CTSC: variants seen among roughly 807,000 people sequenced by gnomAD.
CTSC encodes dipeptidyl peptidase 1.
CTSC carries 37 observed loss-of-function variants against 40.9 expected under a neutral mutation model. The ratio of observed to expected loss-of-function variants is 0.91; its 90% CI spans 0.70 to 1.19. The LOEUF is 1.19. CTSC is among the 50% of genes most tolerant of loss of function. CTSC has a pLI of 0.00. For missense variants in CTSC, 594 were observed against 567.3 expected (o/e 1.05, Z -0.48); for synonymous variants, 232 against 207.4 (o/e 1.12, Z -1.02).
intron 2 of CTSC, chr11:88,321,963 T>C (rs2134800249): frequency 6.6e-6 from 1 of 152,306 alleles, no homozygotes. Context: ...TGACATGAGA[T>C]GGTATCTCAT....
intron 1 of CTSC, among the ~76,000 whole-genome samples, chr11:88,336,438 C>A (rs217081): frequency 6.6e-6 from 1 of 150,840 alleles, no homozygotes; most frequent in African/African-American, 2.4e-5. Flanking sequence ...ACTCGGGAGA[C>A]TGAGGCAGGA....
chr11:88,299,966 G>C (rs552075716), intron 5 of CTSC, among the ~76,000 whole-genome samples: 1 of 152,200 alleles, frequency 6.6e-6, no homozygotes, highest in South Asian at 2.1e-4. Context: ...CATGAACCTG[G>C]GTTCCGCCCT....
At chr11:88,320,760 GAC>G in intron 2 of CTSC, 2 of 944,776 alleles carry the variant, frequency 2.1e-6, no homozygotes, top group Non-Finnish European at 1.3e-6. Flanking sequence ...AGCCTCTAAG[GAC>G]ACAAAGGTAA....
intron 2 of CTSC, 108 bp downstream of exon 2, chr11:88,334,829 C>A: frequency 1.2e-6 from 1 of 821,482 alleles, no homozygotes; most frequent in Non-Finnish European, 2.1e-6. Flanking sequence ...GGTGTCAATT[C>A]CGGTCATCTT....
At chr11:88,294,636 C>G in intron 6 of CTSC, 128 bp from the exon 7 acceptor site, 2 of 1,003,028 alleles carry the variant, frequency 2.0e-6, no homozygotes, top group East Asian at 2.6e-5. Context: ...TTAAGCATCA[C>G]TTCATTCATC....
At chr11:88,316,618 T>G (rs527445034) in intron 2 of CTSC, among the ~76,000 whole-genome samples, 3 of 152,144 alleles carry the variant, frequency 2.0e-5, no homozygotes, top group African/African-American at 7.2e-5. Context: ...AACATAACTA[T>G]GACAATAGGA....
At chr11:88,306,016 C>T (rs1937628093) in intron 4 of CTSC, among the ~76,000 whole-genome samples, 1 of 152,182 alleles carries the variant, frequency 6.6e-6, no homozygotes, top group African/African-American at 2.4e-5. Flanking sequence ...CATGCAGATA[C>T]ATTAAGACAC....
chr11:88,311,640 T>C (rs1387359137), intron 3 of CTSC, among the ~76,000 whole-genome samples: 2 of 152,204 alleles, frequency 1.3e-5, no homozygotes, highest in African/African-American at 2.4e-5. Context: ...TACGTTGAAA[T>C]TCTAACCCCC....
chr11:88,333,838 C>A (rs1224652762), intron 2 of CTSC, among the ~76,000 whole-genome samples: 1 of 152,142 alleles, frequency 6.6e-6, no homozygotes, highest in East Asian at 1.9e-4. Flanking sequence ...CTGCATATCA[C>A]ACCAGCAAAT....
At chr11:88,304,571 G>A (rs1221472816) in intron 4 of CTSC, among the ~76,000 whole-genome samples, 1 of 152,190 alleles carries the variant, frequency 6.6e-6, no homozygotes, top group African/African-American at 2.4e-5. Flanking sequence ...AATAGGAGCT[G>A]GGTAAGATGA....
chr11:88,309,297 C>T lies in CTSC; in HGVS notation c.507G>A (p.Lys169=). The change falls in exon 4 of 7, where the codon AAG becomes AAA. Residue 169 remains lysine, a synonymous_variant. Coordinates refer to ENST00000227266, the MANE Select transcript of CTSC (RefSeq NM_001814.6). The stretch of plus-strand genomic sequence containing the variant: ...TAGCTTTCACAAAGTTGTGATCATA[C>T]TTGTAGAGCCTATTAGAATACCTGT... ...SQEKYSNRLY[K]YDHNFVKAIN... is the part of the protein sequence containing the mutation. The T allele has an allele frequency of 6.2e-7, 1 of 1,613,730 alleles. No individual in the cohort carries two copies.
Position 88,296,243 on chromosome 11 carries a change from G to C in CTSC, c.779C>G (p.Ser260Ter). Residue 260 changes from serine to a stop codon, truncating the protein, a stop_gained, in exon 6 of 7, where the codon TCA (serine) becomes TGA (stop). Coordinates refer to ENST00000227266, the MANE Select transcript of CTSC (RefSeq NM_001814.6). LOFTEE classifies it high-confidence loss of function. ...RNQASCGSCY[S>*]FASMGMLEAR... ...TTCTAGCATACCCATAGAAGCAAAT[G>C]AGTAGCAGCTGCCACAGGATGCTGG... 6.2e-7 allele frequency: 1 copy of C among 1,613,962 alleles called. No individual in the cohort carries two copies. The highest frequency in any genetic ancestry group is 1.3e-5 in the African/African-American group (1 of 75,026).
intron 2 of CTSC, among the ~76,000 whole-genome samples, chr11:88,332,070 C>A (rs1218462470): frequency 6.6e-6 from 1 of 152,140 alleles, no homozygotes; most frequent in Non-Finnish European, 1.5e-5. Context: ...TAAAAGGAAG[C>A]AAGTTGTAGG....
intron 4 of CTSC, 61 bp from the exon 5 acceptor site, chr11:88,300,706 A>C: frequency 9.7e-7 from 1 of 1,028,696 alleles, no homozygotes; most frequent in Non-Finnish European, 1.5e-6. Context: ...ATGATTTCCT[A>C]AACTCTACTA....
chr11:88,336,238 T>TAAAA lies in CTSC; in HGVS notation c.173-1160_173-1157dup, dbSNP rs3079112. On this transcript the variant is annotated intron_variant, in intron 1 of 6. Transcript: ENST00000227266. ...CTGCCCCAACCTTCAAACTCAAATT[T>TAAAA]AAAAAAAAAAAAAAAAAAAAGGCCA... Among the ~76,000 whole-genome samples, 11 of 127,206 alleles carry TAAAA rather than the reference T, an allele frequency of 8.6e-5. 1 individual carries two copies. Among genetic ancestry groups the TAAAA allele is most frequent in the African/African-American group, 3.0e-4 (10 of 32,884 alleles). 83.5% of individuals were successfully genotyped at this position (127,206 alleles called of 152,430 possible). A position where few individuals can be genotyped will look rare whatever the true frequency, so the allele number is the denominator to read the frequency against.
chr11:88,309,186 A>G lies in CTSC; in HGVS notation c.618T>C (p.Gly206=), dbSNP rs1170118062. 3.1e-6 allele frequency: 5 copies of G among 1,614,040 alleles called. No homozygotes were observed. Among genetic ancestry groups the G allele is most frequent in the Non-Finnish European group, 3.4e-6 (4 of 1,179,950 alleles). Residue 206 remains glycine, a synonymous_variant, in exon 4 of 7, where the codon GGT becomes GGC. Coordinates refer to ENST00000227266, the MANE Select transcript of CTSC (RefSeq NM_001814.6). ...LTLGDMIRRS[G]GHSRKIPRPK... Reference sequence around the variant, plus strand: ...ACCTTGGGATTTTTCGACTGTGGCCACCACTTCTCCTAATCATATCTCCCA... The same window carrying G: ...ACCTTGGGATTTTTCGACTGTGGCCGCCACTTCTCCTAATCATATCTCCCA...
intron 3 of CTSC, 21 bp from the exon 4 acceptor site, chr11:88,309,339 A>G: frequency 6.3e-7 from 1 of 1,594,372 alleles, no homozygotes; most frequent in Non-Finnish European, 8.6e-7. Context: ...AAATGAGATA[A>G]TTTCAGATAT....
At chr11:88,336,033 G>C (rs553707981) in intron 1 of CTSC, among the ~76,000 whole-genome samples, 1 of 152,286 alleles carries the variant, frequency 6.6e-6, no homozygotes, top group South Asian at 2.1e-4. Flanking sequence ...GCTCAGACCT[G>C]TGGGTGCCTT....
At position 88,325,660 on chromosome 11, in the gene CTSC, G is replaced by A. The variant is rs373863469; in HGVS notation, c.318+9277C>T. 8.1e-6 allele frequency: 8 copies of A among 984,890 alleles called. No homozygotes were observed. In the African/African-American group the frequency reaches 1.0e-4, roughly 13 times the overall value. The allele number at this position is 984,890 out of a possible 1,614,324, so 61.0% of individuals were successfully genotyped here. On this transcript the variant is annotated intron_variant, in intron 2 of 6. Coordinates refer to ENST00000227266, the MANE Select transcript of CTSC (RefSeq NM_001814.6). The stretch of plus-strand genomic sequence containing the variant: ...ACAGAACTTTTGTAGCTTATAGTAT[G>A]TCAACTTCTTAGCACAAAGCTTGTA...
Sources: gnomAD v4.1 joint callset for allele counts (sites outside exome capture counted in the v4.1 genomes callset) on GRCh38, gnomAD v4.1.1 for gene constraint, MANE v1.5 for transcripts, NCBI Gene and HGNC (gene_info 2026-07-23, HGNC 2026-07-21) for gene names.